The following VPS11 variants were observed in gnomAD, a reference collection of about 807,000 sequenced individuals.
VPS11 encodes the protein vacuolar protein sorting-associated protein 11 homolog.
A neutral mutation model predicts 106.8 loss-of-function variants in VPS11; 51 were observed. The ratio of observed to expected loss-of-function variants is 0.48; its 90% CI spans 0.38 to 0.60. The LOEUF (loss-of-function observed/expected upper bound fraction) is 0.60, where lower values mean the gene tolerates loss of function less well. VPS11 is among the 20% of genes least tolerant of loss of function. VPS11 has a pLI of 0.00. For synonymous variants in VPS11, 453 were observed against 458.7 expected (o/e 0.99, Z 0.16); for missense variants, 950 against 1,190.0 (o/e 0.80, Z 2.97).
chr11:119,071,942 A>G, intron 5 of VPS11, 99 bp downstream of exon 5: 2 of 1,455,584 alleles, frequency 1.4e-6, no homozygotes, highest in Non-Finnish European at 1.8e-6. Flanking sequence ...CCAATCTCCT[A>G]CTCCTACTCC....
chr11:119,076,691 C>G (rs1414219676), intron 7 of VPS11: 1 of 571,044 alleles, frequency 1.8e-6, no homozygotes, highest in Non-Finnish European at 3.0e-6. Flanking sequence ...AGAAGCAGTG[C>G]TCTGGAGCCT....
At chr11:119,069,037 G>A (rs1945260894) in intron 1 of VPS11, 159 bp from the exon 2 acceptor site, 1 of 360,214 alleles carries the variant, frequency 2.8e-6, no homozygotes, top group South Asian at 3.4e-5. Context: ...TGGGATTACA[G>A]GTGTGAGTCA....
rs371342017 is a variant in VPS11, at chr11:119,078,712, T to C, written c.2063+8T>C. 1.2e-6 allele frequency: 2 copies of C among 1,609,304 alleles called. No homozygotes were observed. Among genetic ancestry groups the C allele is most frequent in the Non-Finnish European group, 8.5e-7 (1 of 1,177,178 alleles). On this transcript the variant is annotated splice_region_variant and intron_variant, in intron 12 of 15. Transcript: ENST00000621676. ...TTATGAGCAGGGGAAGCTGTAAGAG[T>C]TTGGGGAATTTCAGGGAAAGGGGAA...
chr11:119,071,312 A>G (rs1192061067), intron 4 of VPS11, among the ~76,000 whole-genome samples: 1 of 151,850 alleles, frequency 6.6e-6, no homozygotes, highest in South Asian at 2.1e-4. Flanking sequence ...ACAACAGTCT[A>G]CTCTCTCAGG....
At chr11:119,079,754 T>G (rs1380486599) in intron 14 of VPS11, among the ~76,000 whole-genome samples, 3 of 152,084 alleles carry the variant, frequency 2.0e-5, no homozygotes. Context: ...TTTTGGATTT[T>G]TAGTAGAGAT....
intron 6 of VPS11, 150 bp downstream of exon 6, chr11:119,073,549 C>T: frequency 9.3e-7 from 1 of 1,069,688 alleles, no homozygotes; most frequent in South Asian, 1.7e-5. Context: ...AGGTAAATGG[C>T]CTGGGATGGG....
rs782792271 is a variant in VPS11 at position 119,076,923 on chromosome 11, A to G, written c.1265A>G (p.Tyr422Cys). The G allele has an allele frequency of 1.9e-6, 3 of 1,613,990 alleles. No individual in the cohort carries two copies. The highest frequency in any genetic ancestry group is 2.2e-5 in the East Asian group (1 of 44,888). ...ACCATTGGAAAGTTGGAGCCATCCT[A>G]CGTGATCCGCAAGTTTCTGGATGCC... is the stretch of plus-strand genomic sequence containing the variant. Reference protein sequence around the residue: ...IRTIGKLEPSYVIRKFLDAQR... With the variant: ...IRTIGKLEPSCVIRKFLDAQR... The change falls in exon 8 of 16, where the codon TAC becomes TGC. Residue 422 changes from tyrosine to cysteine, a missense_variant. This residue lies in a region of VPS11 where 435 missense variants were observed against 630.2 expected (regional missense o/e 0.69). Transcript: ENST00000621676.
intron 5 of VPS11, 81 bp from the exon 6 acceptor site, chr11:119,073,117 A>T: frequency 6.6e-7 from 1 of 1,503,796 alleles, no homozygotes; most frequent in Middle Eastern, 2.0e-4. Flanking sequence ...TGAAATGTGC[A>T]CCAAAGTTAT....
intron 1 of VPS11, 51 bp from the exon 2 acceptor site, chr11:119,069,145 C>G (rs964817827): frequency 6.2e-7 from 1 of 1,605,982 alleles, no homozygotes; most frequent in Non-Finnish European, 8.5e-7. Context: ...GAGTTCTGGT[C>G]TGAATGTAAG....
chr11:119,077,557 G>A lies in VPS11; in HGVS notation c.1482G>A (p.Arg494=), dbSNP rs1312807535. The change falls in exon 9 of 16, where the codon CGG becomes CGA. Residue 494 remains arginine (R), a synonymous_variant. Coordinates refer to ENST00000621676, the MANE Select transcript of VPS11 (RefSeq NM_021729.6). ...TGGAGACAGCCATCAAGGTCCTCCG[G>A]CAGGCTGGCTACTACTCCCATGCCC... The part of the protein sequence containing the change: ...FDVETAIKVL[R]QAGYYSHALY... 1 of 1,613,882 alleles carries A rather than the reference G, an allele frequency of 6.2e-7. No individual in the cohort carries two copies. The highest frequency in any genetic ancestry group is 1.7e-5 in the Admixed American group (1 of 59,990).
In VPS11 at chr11:119,076,943, G is replaced by T; in HGVS notation, c.1285G>T (p.Asp429Tyr). ...EPSYVIRKFL[D>Y]AQRIHNLTAY... ...ATCCTACGTGATCCGCAAGTTTCTGGATGCCCAGCGCATTCACAACCTGAC... is the reference window on the plus strand; with the variant it reads ...ATCCTACGTGATCCGCAAGTTTCTGTATGCCCAGCGCATTCACAACCTGAC... The change falls in exon 8 of 16, where the codon GAT becomes TAT. Residue 429 changes from aspartate (D) to tyrosine (Y), a missense_variant. This residue lies in a region of VPS11 where 435 missense variants were observed against 630.2 expected (regional missense o/e 0.69). Coordinates refer to ENST00000621676, the MANE Select transcript of VPS11 (RefSeq NM_021729.6). 6.2e-7 allele frequency: 1 copy of T among 1,614,002 alleles called. No homozygotes were observed. Among genetic ancestry groups the T allele is most frequent in the South Asian group, 1.1e-5 (1 of 91,070 alleles).
chr11:119,077,302 C>T (rs1945659214), intron 8 of VPS11, among the ~76,000 whole-genome samples, 199 bp from the exon 9 acceptor site: 1 of 152,212 alleles, frequency 6.6e-6, no homozygotes, highest in South Asian at 2.1e-4. Context: ...CTGGGGAAGT[C>T]CTGTCCCTAG....
In VPS11 at chr11:119,073,832, G is replaced by A. The variant is rs1391906283; in HGVS notation, c.1119G>A (p.Ala373=). 4.3e-6 allele frequency: 7 copies of A among 1,613,038 alleles called. No individual in the cohort carries two copies. Among genetic ancestry groups the A allele is most frequent in the South Asian group, 3.3e-5 (3 of 91,056 alleles). ...TTAAGAAGAACCTATTTGAGATGGC[G>A]ATTAACCTTGCCAAGAGCCAGCATC... is the stretch of plus-strand genomic sequence containing the variant. ...MLFKKNLFEM[A]INLAKSQHLD... The change falls in exon 7 of 16, where the codon GCG becomes GCA. Residue 373 remains alanine (A), a synonymous_variant. Transcript: ENST00000621676.
chr11:119,076,084 G>T (rs960582673), intron 7 of VPS11, among the ~76,000 whole-genome samples: 1 of 151,952 alleles, frequency 6.6e-6, no homozygotes, highest in African/African-American at 2.4e-5. Flanking sequence ...AAATTAGCTG[G>T]GTGTGGTGGC....
intron 1 of VPS11, 188 bp downstream of exon 1, chr11:119,068,198 C>T: frequency 1.7e-6 from 1 of 594,288 alleles, no homozygotes; most frequent in Non-Finnish European, 2.7e-6. Flanking sequence ...ACTGAGCAAT[C>T]CTGGGCAAGT....
In VPS11 at chr11:119,070,490, G is replaced by A. The variant is rs1945336880; in HGVS notation, c.636+93G>A. The A allele has an allele frequency of 3.1e-6, 4 of 1,299,530 alleles. No individual in the cohort carries two copies. In the South Asian group the frequency reaches 8.2e-5, roughly 27 times the overall value. The allele number at this position is 1,299,530 out of a possible 1,614,324, so 80.5% of individuals were successfully genotyped here. A position where few individuals can be genotyped will look rare whatever the true frequency, so the allele number is the denominator to read the frequency against. ...TAATGAAGTGACAGGAAAGGTGGGA[G>A]TGTTAAAGTTTTAATCATATAATTC... is the stretch of plus-strand genomic sequence containing the variant. On this transcript the variant is annotated intron_variant, in intron 4 of 15. Transcript: ENST00000621676.
Position 119,078,265 on chromosome 11 carries a change from A to G in VPS11, c.1854A>G (p.Ser618=). Residue 618 remains serine (S), a synonymous_variant, in exon 11 of 16, where the codon TCA becomes TCG. Transcript: ENST00000621676. ...ACATGAGTGAAGTGCAGCCAGACTC[A>G]CCCCAGGGGATCTACGACACACTCC... The part of the protein sequence containing the change: ...LEHMSEVQPD[S]PQGIYDTLLE... 6.2e-7 allele frequency: 1 copy of G among 1,613,388 alleles called. No individual in the cohort carries two copies. Among genetic ancestry groups the G allele is most frequent in the South Asian group, 1.1e-5 (1 of 91,058 alleles).
At position 119,077,610 on chromosome 11, in the gene VPS11, A is replaced by T; in HGVS notation, c.1535A>T (p.His512Leu). ...TATCTGGCGGAGAACCATGCACATC[A>T]TGAGTGGTACCTGAAGATCCAGCTA... The part of the protein sequence containing the change: ...ALYLAENHAH[H>L]EWYLKIQLED... The change falls in exon 9 of 16, where the codon CAT (histidine) becomes CTT (leucine). Residue 512 changes from histidine (H) to leucine (L), a missense_variant. Physicochemically the swap from His to Leu is moderately conservative, Grantham distance 99. This residue lies in a region of VPS11 where 435 missense variants were observed against 630.2 expected (regional missense o/e 0.69). Transcript: ENST00000621676. 2 of 1,611,886 alleles carry T rather than the reference A, an allele frequency of 1.2e-6. No homozygotes were observed. The highest frequency in any genetic ancestry group is 1.7e-6 in the Non-Finnish European group (2 of 1,178,840).
chr11:119,070,424 A>G, intron 4 of VPS11, 27 bp downstream of exon 4: 1 of 1,592,322 alleles, frequency 6.3e-7, no homozygotes, highest in Non-Finnish European at 8.6e-7. Flanking sequence ...CACTCTTAGG[A>G]GCAGGCAGGG....
Sources: gnomAD v4.1 joint callset for allele counts (sites outside exome capture counted in the v4.1 genomes callset) on GRCh38, gnomAD v4.1.1 for gene constraint, gnomAD v4.1.1 regional missense constraint, MANE v1.5 for transcripts, NCBI Gene and HGNC (gene_info 2026-07-23, HGNC 2026-07-21) for gene names.